COL22A1: variants seen among roughly 807,000 people sequenced by gnomAD.
The protein encoded by COL22A1 is collagen type XXII alpha 1 chain.
Under a neutral mutation model 248.9 loss-of-function variants are expected in COL22A1, and 221 were observed. The ratio of observed to expected loss-of-function variants is 0.89; its 90% CI spans 0.80 to 0.99. The LOEUF (loss-of-function observed/expected upper bound fraction) is 0.99. Among genes scored for constraint, COL22A1 ranks in the 50% least tolerant of loss-of-function variants. COL22A1 has a pLI of 0.00. For missense variants in COL22A1, 2,240 were observed against 2,179.0 expected, an observed-to-expected ratio of 1.03 and a Z score of -0.56; for synonymous variants, 891 against 793.4, an observed-to-expected ratio of 1.12 and a Z score of -2.07.
At chr8:138,623,366 T>C (rs897057604) in intron 52 of COL22A1, among the ~76,000 whole-genome samples, 1 of 151,464 alleles carries the variant, frequency 6.6e-6, no homozygotes, top group Non-Finnish European at 1.5e-5. Flanking sequence ...TCTCCAGATA[T>C]CAGATTTCTC....
Position 138,646,700 on chromosome 8 carries a change from GAA to G in COL22A1, c.3448-20_3448-19del. The stretch of plus-strand genomic sequence containing the variant: ...GCCTCTCCCTGTATCAGGGATACAA[GAA>G]AAAAAAAGAAAACAAGAATGAGTAT... On this transcript the variant is annotated intron_variant, in intron 46 of 64. Transcript: ENST00000303045. 6.6e-7 allele frequency: 1 copy of G among 1,514,932 alleles called. No homozygotes were observed. The allele number at this position is 1,514,932 out of a possible 1,614,324, so 93.8% of individuals were successfully genotyped here. A position where few individuals can be genotyped will look rare whatever the true frequency, so the allele number is the denominator to read the frequency against.
In COL22A1 at chr8:138,877,788, T is replaced by C. The variant is rs780106106; in HGVS notation, c.620A>G (p.Asp207Gly). 1 of 1,606,364 alleles carries C rather than the reference T, an allele frequency of 6.2e-7. No individual in the cohort carries two copies. The highest frequency in any genetic ancestry group is 2.2e-5 in the East Asian group (1 of 44,682). The change falls in exon 3 of 65, where the codon GAC (aspartate) becomes GGC (glycine). Residue 207 changes from aspartate (D) to glycine (G), a missense_variant. By Grantham distance (94) the Asp-to-Gly change is moderately conservative. Transcript: ENST00000303045. ...VFHVSDFNAI[D>G]KIRGKLRRRL... ...GCGCCGCAGCTTGCCCCGGATCTTG[T>C]CGATGGCATTGAAGTCGGACACGTG...
chr8:138,760,136 A>T, intron 18 of COL22A1, 107 bp downstream of exon 18: 1 of 812,144 alleles, frequency 1.2e-6, no homozygotes, highest in Non-Finnish European at 1.8e-6. Flanking sequence ...CTTTGTTCCC[A>T]GAGTTGCCAC....
At chr8:138,601,769 C>T (rs549525186) in intron 60 of COL22A1, among the ~76,000 whole-genome samples, 98 of 152,236 alleles carry the variant, frequency 6.4e-4, no homozygotes, top group Middle Eastern at 3.4e-3. Context: ...GAGCCGAGCC[C>T]GTCTCGGCGG....
intron 32 of COL22A1, among the ~76,000 whole-genome samples, chr8:138,697,309 C>T (rs1279849204): frequency 6.6e-6 from 1 of 152,200 alleles, no homozygotes; most frequent in African/African-American, 2.4e-5. Context: ...TTGGTCATTG[C>T]CTGGGCATCC....
intron 16 of COL22A1, among the ~76,000 whole-genome samples, chr8:138,773,755 G>A (rs1834588258): frequency 6.6e-6 from 1 of 152,170 alleles, no homozygotes; most frequent in Non-Finnish European, 1.5e-5. Context: ...CAGACTCCAG[G>A]CCAGGGACAG....
chr8:138,670,133 T>G (rs1242255723), intron 41 of COL22A1, among the ~76,000 whole-genome samples: 1 of 152,140 alleles, frequency 6.6e-6, no homozygotes, highest in Non-Finnish European at 1.5e-5. Flanking sequence ...GCAATTCACC[T>G]GCCTTGGCCT....
At position 138,599,433 on chromosome 8, in the gene COL22A1, C is replaced by T. The variant is rs184450171; in HGVS notation, c.4186-535G>A. On this transcript the variant is annotated intron_variant, in intron 60 of 64. Transcript: ENST00000303045. ...GGCGGAGGTTGCAGTGAGCCAAGAT[C>T]GCACCGCTGCACTCCAGCCTGGGCG... Among the ~76,000 whole-genome samples the T allele has an allele frequency of 1.5e-3, 235 of 152,198 alleles. 2 individuals carry two copies. The highest frequency in any genetic ancestry group is 4.6e-4 in the Non-Finnish European group (31 of 68,002).
intron 39 of COL22A1, among the ~76,000 whole-genome samples, chr8:138,681,831 A>G (rs138120949): frequency 2.0e-5 from 3 of 152,314 alleles, no homozygotes; most frequent in African/African-American, 7.2e-5. Flanking sequence ...ATTTACTCAT[A>G]TCACACAAAA....
chr8:138,725,735 A>C (rs942422899), intron 23 of COL22A1, among the ~76,000 whole-genome samples: 3 of 151,086 alleles, frequency 2.0e-5, no homozygotes, highest in Non-Finnish European at 4.4e-5. Context: ...AAATACATAT[A>C]TGTGTGCACA....
intron 41 of COL22A1, among the ~76,000 whole-genome samples, chr8:138,669,327 G>A (rs529873607): frequency 4.6e-5 from 7 of 152,320 alleles, no homozygotes; most frequent in African/African-American, 1.4e-4. Context: ...GGCCACGGCC[G>A]TGGGGTCTGA....
At chr8:138,804,083 C>T (rs950517332) in intron 10 of COL22A1, among the ~76,000 whole-genome samples, 4 of 152,190 alleles carry the variant, frequency 2.6e-5, no homozygotes, top group Non-Finnish European at 5.9e-5. Context: ...TATCCCAATC[C>T]TCTCTTTCCT....
At chr8:138,864,013 A>T (rs937266392) in intron 3 of COL22A1, among the ~76,000 whole-genome samples, 2 of 152,174 alleles carry the variant, frequency 1.3e-5, no homozygotes, top group African/African-American at 4.8e-5. Context: ...AAAGAAAAAC[A>T]GCAATGCCGC....
intron 1 of COL22A1, among the ~76,000 whole-genome samples, chr8:138,896,997 C>T (rs546504840): frequency 1.3e-5 from 2 of 152,124 alleles, no homozygotes; most frequent in African/African-American, 4.8e-5. Flanking sequence ...ATTCAGGCCC[C>T]TAAGTCCCCC....
rs755068978 is a variant in COL22A1, at chr8:138,690,803, C to T, written c.2808+18G>A. ...CTTGGTGGCTGGGCCGTGCGTATGC[C>T]CTCTCCCAATTACTCACCACACTTC... On this transcript the variant is annotated intron_variant, in intron 36 of 64. Coordinates refer to ENST00000303045, the MANE Select transcript of COL22A1 (RefSeq NM_152888.3). 4 of 1,602,272 alleles carry T rather than the reference C, an allele frequency of 2.5e-6. No individual in the cohort carries two copies. The highest frequency in any genetic ancestry group is 1.7e-5 in the Admixed American group (1 of 58,990).
intron 30 of COL22A1, among the ~76,000 whole-genome samples, chr8:138,703,947 G>T (rs1016750042): frequency 2.0e-5 from 3 of 152,222 alleles, no homozygotes; most frequent in African/African-American, 4.8e-5. Context: ...TTTTCCAACA[G>T]TCTTAGCAAA....
rs547115616 is a variant in COL22A1, at chr8:138,790,174, C to T, written c.1596+6645G>A. Reference sequence around the variant, plus strand: ...CTGGAAAAGTCCAAGATCAAGGTGCCGTCAGATTTGGTGTCAGGTGAAGGC... The same window carrying T: ...CTGGAAAAGTCCAAGATCAAGGTGCTGTCAGATTTGGTGTCAGGTGAAGGC... On this transcript the variant is annotated intron_variant, in intron 12 of 64. Transcript: ENST00000303045. Among the ~76,000 whole-genome samples the T allele has an allele frequency of 4.6e-5, 7 of 152,198 alleles. No homozygotes were observed. In the South Asian group the frequency reaches 1.2e-3, roughly 27 times the overall value.
intron 48 of COL22A1, among the ~76,000 whole-genome samples, chr8:138,636,518 A>AAGGAG (rs1821181068): frequency 1.3e-5 from 2 of 151,038 alleles, no homozygotes; most frequent in Admixed American, 6.6e-5. Context: ...AAGGAAAGGA[A>AAGGAG]AGGAAAGGAA....
At chr8:138,764,057 A>T (rs2131408270) in intron 16 of COL22A1, among the ~76,000 whole-genome samples, 1 of 152,226 alleles carries the variant, frequency 6.6e-6, no homozygotes, top group East Asian at 1.9e-4. Context: ...CTCATTTCCC[A>T]AGTCGTGATT....
Sources: allele counts gnomAD v4.1 joint callset (sites outside exome capture counted in the v4.1 genomes callset), GRCh38; gene constraint gnomAD v4.1.1; transcripts MANE v1.5; gene names NCBI Gene and HGNC (gene_info 2026-07-23, HGNC 2026-07-21).